Variants in GALNT5 observed in about 807,000 individuals in gnomAD.
GALNT5 encodes the protein polypeptide N-acetylgalactosaminyltransferase 5.
Under a neutral mutation model 85.4 loss-of-function variants are expected in GALNT5, and 72 were observed. The ratio of observed to expected loss-of-function variants is 0.84; its 90% CI spans 0.70 to 1.03. The LOEUF is 1.03. Among genes scored for constraint, GALNT5 ranks in the 50% least tolerant of loss-of-function variants. The pLI, the probability that GALNT5 is intolerant of heterozygous loss-of-function variation, is 0.00. For synonymous variants in GALNT5, 404 were observed against 397.0 expected (o/e 1.02, Z -0.21); for missense variants, 1,137 against 1,135.5 (o/e 1.00, Z -0.02).
intron 8 of GALNT5, among the ~76,000 whole-genome samples, chr2:157,306,344 C>T (rs1683455336): frequency 6.6e-6 from 1 of 152,192 alleles, no homozygotes; most frequent in African/African-American, 2.4e-5. Context: ...TCTTTCCCCT[C>T]ATTTTCCCGC....
chr2:157,296,676 G>A (rs192291241), intron 5 of GALNT5, among the ~76,000 whole-genome samples, 163 bp downstream of exon 5: 18 of 152,206 alleles, frequency 1.2e-4, no homozygotes, highest in African/African-American at 4.1e-4. Context: ...TGAGAAATTC[G>A]TTCCCAAAAC....
At position 157,317,097 on chromosome 2, in the gene GALNT5, ATTTTT is replaced by A. The variant is rs1683722398; in HGVS notation, c.*5750_*5754del. Among the ~76,000 whole-genome samples the A allele has an allele frequency of 6.6e-6, 1 of 150,666 alleles. No individual in the cohort carries two copies. The highest frequency in any genetic ancestry group is 2.1e-4 in the South Asian group (1 of 4,810). On this transcript the variant is annotated 3_prime_UTR_variant, in exon 10 of 10. Transcript: ENST00000259056. The stretch of plus-strand genomic sequence containing the variant: ...CCTTTATATTAGATGTTAAATTAAA[ATTTTT>A]CATAGCATGAATAGATTTTTAAGTG...
intron 1 of GALNT5, among the ~76,000 whole-genome samples, chr2:157,272,874 G>C (rs1682621003): frequency 6.6e-6 from 1 of 152,148 alleles, no homozygotes; most frequent in Admixed American, 6.5e-5. Context: ...TATATACCTA[G>C]TAATTGGATT....
intron 5 of GALNT5, among the ~76,000 whole-genome samples, chr2:157,297,054 T>G: frequency 6.6e-6 from 1 of 152,186 alleles, no homozygotes; most frequent in East Asian, 1.9e-4. Flanking sequence ...CAGCTTAGAC[T>G]TGAAGCTGAA....
At position 157,296,404 on chromosome 2, in the gene GALNT5, G is replaced by C; in HGVS notation, c.1888G>C (p.Val630Leu). Residue 630 changes from valine (V) to leucine (L), a missense_variant, in exon 5 of 10, where the codon GTG (valine) becomes CTG (leucine). Coordinates refer to ENST00000259056, the MANE Select transcript of GALNT5 (RefSeq NM_014568.3). ...CATTTCCTGGATTAGTTACATGACA[G>C]TGGATAACTTTCAAAGAGGCATCTT... The part of the protein sequence containing the change: ...INDKDMSYMT[V>L]DNFQRGIFVW... The C allele has an allele frequency of 6.2e-7, 1 of 1,609,402 alleles. No individual in the cohort carries two copies. The highest frequency in any genetic ancestry group is 8.5e-7 in the Non-Finnish European group (1 of 1,175,886).
rs774754859 is a variant in GALNT5, at chr2:157,284,297, A to G, written c.1470A>G (p.Leu490=). The part of the protein sequence containing the change: ...DTRPAGCAEQ[L]VHNNLPTTSV... ...TCTGGCCCAGATGTGCAGAGCAGCT[A>G]GTTCACAATAACCTCCCAACCACCA... is the stretch of plus-strand genomic sequence containing the variant. Residue 490 remains leucine, a synonymous_variant, in exon 2 of 10, where the codon CTA becomes CTG. Transcript: ENST00000259056. 2 of 1,613,792 alleles carry G rather than the reference A, an allele frequency of 1.2e-6. No homozygotes were observed. The highest frequency in any genetic ancestry group is 2.2e-5 in the South Asian group (2 of 91,072).
chr2:157,280,884 G>A (rs1370580665), intron 1 of GALNT5, among the ~76,000 whole-genome samples: 1 of 152,118 alleles, frequency 6.6e-6, no homozygotes, highest in Non-Finnish European at 1.5e-5. Flanking sequence ...TCTCTTGCTT[G>A]CTCTGTCATG....
intron 1 of GALNT5, among the ~76,000 whole-genome samples, chr2:157,263,313 T>G (rs920885585): frequency 2.0e-5 from 3 of 152,192 alleles, no homozygotes; most frequent in African/African-American, 7.2e-5. Flanking sequence ...CCCTTTACAG[T>G]TGTAACCATC....
chr2:157,284,674 C>A (rs2289940), intron 2 of GALNT5, among the ~76,000 whole-genome samples: 1 of 152,214 alleles, frequency 6.6e-6, no homozygotes, highest in African/African-American at 2.4e-5. Flanking sequence ...ACTCTGCTAC[C>A]ATGTTGGAAT....
At chr2:157,305,628 T>C (rs1683439452) in intron 7 of GALNT5, 121 bp from the exon 8 acceptor site, 2 of 634,680 alleles carry the variant, frequency 3.2e-6, no homozygotes, top group East Asian at 2.8e-5. Context: ...TGCTAAGTAA[T>C]GCTAAGCTAT....
intron 1 of GALNT5, among the ~76,000 whole-genome samples, chr2:157,273,221 T>C (rs1682630890): frequency 6.6e-6 from 1 of 152,212 alleles, no homozygotes. Flanking sequence ...TAGAATCTTA[T>C]TTTGGAGATG....
intron 1 of GALNT5, among the ~76,000 whole-genome samples, chr2:157,283,081 G>T (rs992337143): frequency 6.6e-6 from 1 of 152,260 alleles, no homozygotes; most frequent in South Asian, 2.1e-4. Flanking sequence ...TGGATCTAAG[G>T]CTTCCTCAAT....
chr2:157,283,491 C>A (rs1279601616), intron 1 of GALNT5, among the ~76,000 whole-genome samples: 1 of 152,172 alleles, frequency 6.6e-6, no homozygotes, highest in Non-Finnish European at 1.5e-5. Context: ...CATTCCTATG[C>A]CAGCAAAATG....
intron 5 of GALNT5, among the ~76,000 whole-genome samples, chr2:157,298,539 C>T (rs1683266043): frequency 6.6e-6 from 1 of 152,180 alleles, no homozygotes; most frequent in African/African-American, 2.4e-5. Context: ...CTGGTAGGGA[C>T]CTCGAAAGGA....
intron 1 of GALNT5, among the ~76,000 whole-genome samples, chr2:157,280,492 T>C (rs1275866063): frequency 1.3e-5 from 2 of 152,234 alleles, no homozygotes; most frequent in African/African-American, 2.4e-5. Context: ...GAGGTCCTAC[T>C]GACATCTTGG....
At chr2:157,310,953 C>A (rs1388661580) in intron 9 of GALNT5, among the ~76,000 whole-genome samples, 3 of 152,164 alleles carry the variant, frequency 2.0e-5, no homozygotes, top group Non-Finnish European at 4.4e-5. Context: ...TCAGCCATAT[C>A]ATCAAGAAAT....
rs970645458 is a variant in GALNT5 at position 157,258,293 on chromosome 2, A to T, written c.211A>T (p.Ile71Leu). The T allele has an allele frequency of 6.3e-7, 1 of 1,599,444 alleles. No individual in the cohort carries two copies. The highest frequency in any genetic ancestry group is 8.5e-7 in the Non-Finnish European group (1 of 1,174,412). The change falls in exon 1 of 10, where the codon ATA (isoleucine) becomes TTA (leucine). Residue 71 changes from isoleucine (I) to leucine (L), a missense_variant. Ile to Leu is a conservative substitution (Grantham distance 5). Transcript: ENST00000259056. ...CCAAGGAAAAATTTTTTACAGCAGC[A>T]TAAAAGAGATGAAACCTCCCCTAAG... is the stretch of plus-strand genomic sequence containing the variant. ...PDQGKIFYSS[I>L]KEMKPPLRGH...
intron 9 of GALNT5, among the ~76,000 whole-genome samples, chr2:157,310,660 T>C (rs1351488619): frequency 6.6e-6 from 1 of 152,202 alleles, no homozygotes; most frequent in Non-Finnish European, 1.5e-5. Flanking sequence ...ATTCACTAAA[T>C]ATTAAGCAAT....
chr2:157,286,135 G>A lies in GALNT5; in HGVS notation c.1741+1G>A. The A allele has an allele frequency of 1.2e-6, 2 of 1,606,500 alleles. No individual in the cohort carries two copies. The highest frequency in any genetic ancestry group is 8.5e-7 in the Non-Finnish European group (1 of 1,176,992). ...CTGGCAGGAGCACAGAATGCAACAG[G>A]TAAGAAGTTACTCATTTTTTTGTTT... On this transcript the variant is annotated splice_donor_variant, in intron 3 of 9. Transcript: ENST00000259056. LOFTEE classifies it high-confidence loss of function.
Sources: allele counts gnomAD v4.1 joint callset (sites outside exome capture counted in the v4.1 genomes callset), GRCh38; gene constraint gnomAD v4.1.1; transcripts MANE v1.5; gene names NCBI Gene and HGNC (gene_info 2026-07-23, HGNC 2026-07-21).